Variants in GOLGA4 observed in about 807,000 individuals in gnomAD.
The protein encoded by GOLGA4 is golgin A4.
In GOLGA4, 169 loss-of-function variants were observed where a neutral mutation model predicts 265.9. That is an observed-to-expected ratio of 0.64 (90% CI 0.56 to 0.72). The LOEUF (loss-of-function observed/expected upper bound fraction) is 0.72, where lower values mean the gene tolerates loss of function less well. GOLGA4 is among the 30% of genes least tolerant of loss of function. The pLI is 0.00. For missense variants in GOLGA4, 2,482 were observed against 2,483.4 expected (o/e 1.00, Z 0.01); for synonymous variants, 923 against 855.8 (o/e 1.08, Z -1.37).
intron 10 of GOLGA4, among the ~76,000 whole-genome samples, chr3:37,306,503 G>C (rs187504838): frequency 8.8e-3 from 330 of 37,426 alleles, no homozygotes; most frequent in African/African-American, 7.5e-3. Flanking sequence ...GCTGTTCTCT[G>C]TGTGTGTGTG....
At chr3:37,305,767 A>G (rs1015964714) in intron 10 of GOLGA4, among the ~76,000 whole-genome samples, 1 of 152,218 alleles carries the variant, frequency 6.6e-6, no homozygotes, top group African/African-American at 2.4e-5. Flanking sequence ...TAAACTCTCC[A>G]AATGCATTTT....
chr3:37,345,724 G>A (rs572184518), intron 20 of GOLGA4, among the ~76,000 whole-genome samples: 1 of 152,238 alleles, frequency 6.6e-6, no homozygotes, highest in East Asian at 1.9e-4. Flanking sequence ...CAAGGCAGGC[G>A]AATCATGAGG....
chr3:37,268,524 T>C (rs1233799077), intron 2 of GOLGA4, among the ~76,000 whole-genome samples: 1 of 152,204 alleles, frequency 6.6e-6, no homozygotes, highest in Non-Finnish European at 1.5e-5. Flanking sequence ...TGAGTACTTA[T>C]TCTGTTGTTG....
At chr3:37,244,010 A>C in intron 1 of GOLGA4, 1 of 204,660 alleles carries the variant, frequency 4.9e-6, no homozygotes, top group Non-Finnish European at 9.9e-6. Flanking sequence ...GTCCCTTGTG[A>C]TATCTGACCT....
At chr3:37,354,941 A>G (rs1230287834) in intron 21 of GOLGA4, among the ~76,000 whole-genome samples, 160 bp from the exon 22 acceptor site, 1 of 152,118 alleles carries the variant, frequency 6.6e-6, no homozygotes. Context: ...TTGAAATTCT[A>G]GTGTTGTTAT....
At chr3:37,364,752 A>G (rs1696616295) in intron 23 of GOLGA4, among the ~76,000 whole-genome samples, 1 of 150,352 alleles carries the variant, frequency 6.7e-6, no homozygotes, top group African/African-American at 2.4e-5. Context: ...ACACCTAGCT[A>G]TTTTTTTTAA....
chr3:37,284,371 A>T (rs987439906), intron 3 of GOLGA4, among the ~76,000 whole-genome samples: 1 of 152,024 alleles, frequency 6.6e-6, no homozygotes, highest in Non-Finnish European at 1.5e-5. Context: ...TCCTGGGCCA[A>T]GCAGTTCTCC....
intron 5 of GOLGA4, among the ~76,000 whole-genome samples, chr3:37,291,390 G>C (rs2096864409): frequency 6.6e-6 from 1 of 152,104 alleles, no homozygotes; most frequent in East Asian, 1.9e-4. Flanking sequence ...AGATGAGTAA[G>C]CACCCATGTG....
At chr3:37,266,903 A>G (rs2096785262) in intron 2 of GOLGA4, 1 of 1,288,044 alleles carries the variant, frequency 7.8e-7, no homozygotes, top group Admixed American at 2.3e-5. Context: ...TTTGCTTTGG[A>G]TTCCTCCAAA....
At chr3:37,307,674 A>G (rs2096910594) in intron 10 of GOLGA4, among the ~76,000 whole-genome samples, 1 of 152,152 alleles carries the variant, frequency 6.6e-6, no homozygotes, top group African/African-American at 2.4e-5. Flanking sequence ...TAAGTATGCC[A>G]TGTTAGATAA....
Position 37,286,015 on chromosome 3 carries a change from T to G in GOLGA4, c.479T>G (p.Leu160Arg), listed in dbSNP as rs1368409746. 1 of 1,557,526 alleles carries G rather than the reference T, an allele frequency of 6.4e-7. No individual in the cohort carries two copies. Among genetic ancestry groups the G allele is most frequent in the East Asian group, 2.2e-5 (1 of 44,494 alleles). ...LSSYRGKYSE[L>R]VTAYQMLQRE... Reference sequence around the variant, plus strand: ...ATGTTGTTGATGACTATATTTTAGCTTGTTACAGCTTATCAGATGCTTCAG... The same window carrying G: ...ATGTTGTTGATGACTATATTTTAGCGTGTTACAGCTTATCAGATGCTTCAG... The change falls in exon 4 of 24, where the codon CTT becomes CGT. Residue 160 changes from leucine to arginine, a missense_variant and splice_region_variant. By Grantham distance (102) the Leu-to-Arg change is moderately radical. Transcript: ENST00000361924.
chr3:37,279,218 A>G (rs2096827971), intron 2 of GOLGA4, among the ~76,000 whole-genome samples: 1 of 152,166 alleles, frequency 6.6e-6, no homozygotes, highest in Non-Finnish European at 1.5e-5. Flanking sequence ...TAAAGATTGA[A>G]CATCCCTAAT....
chr3:37,316,406 G>A lies in GOLGA4; in HGVS notation c.1413+808G>A, dbSNP rs138140978. Among the ~76,000 whole-genome samples the A allele has an allele frequency of 6.6e-3, 1,000 of 152,224 alleles. 32 individuals carry two copies. The highest frequency in any genetic ancestry group is 0.058 in the Admixed American group (887 of 15,274). Reference sequence around the variant, plus strand: ...TATGCATTTCTATAACTCATGGTAAGGTTTCTGTGCTTTTACTTATGAGTG... The same window carrying A: ...TATGCATTTCTATAACTCATGGTAAAGTTTCTGTGCTTTTACTTATGAGTG... On this transcript the variant is annotated intron_variant, in intron 11 of 23. Coordinates refer to ENST00000361924, the MANE Select transcript of GOLGA4 (RefSeq NM_002078.5).
At chr3:37,323,095 T>G (rs1001963907) in intron 13 of GOLGA4, among the ~76,000 whole-genome samples, 6 of 150,992 alleles carry the variant, frequency 4.0e-5, no homozygotes, top group Non-Finnish European at 7.4e-5. Flanking sequence ...GTTAAACATG[T>G]AATCTTTTCT....
chr3:37,287,072 GGCTCAC>G (rs752341340), intron 4 of GOLGA4, among the ~76,000 whole-genome samples: 3 of 152,238 alleles, frequency 2.0e-5, no homozygotes, highest in Non-Finnish European at 2.9e-5. Context: ...CAGGCGTGGT[GGCTCAC>G]GCCTGTAATC....
chr3:37,362,832 G>C (rs1194855858), intron 23 of GOLGA4, among the ~76,000 whole-genome samples: 1 of 128,914 alleles, frequency 7.8e-6, no homozygotes, highest in African/African-American at 3.0e-5. Flanking sequence ...ACCCAGGCTA[G>C]AGTGCAGTGG....
At chr3:37,345,263 G>A (rs772986784) in intron 20 of GOLGA4, among the ~76,000 whole-genome samples, 17 of 152,020 alleles carry the variant, frequency 1.1e-4, no homozygotes, top group East Asian at 1.9e-4. Flanking sequence ...CTTTTATTAC[G>A]TTTATTCTTA....
At chr3:37,361,592 A>G (rs983215891) in intron 23 of GOLGA4, among the ~76,000 whole-genome samples, 1 of 152,236 alleles carries the variant, frequency 6.6e-6, no homozygotes, top group African/African-American at 2.4e-5. Context: ...AAAAGTATTT[A>G]TGTAACTTAT....
At chr3:37,316,433 A>G (rs1331197448) in intron 11 of GOLGA4, among the ~76,000 whole-genome samples, 1 of 152,176 alleles carries the variant, frequency 6.6e-6, no homozygotes, top group Non-Finnish European at 1.5e-5. Context: ...TTATGAGTGC[A>G]TAACAGGCAT....
Sources: allele counts gnomAD v4.1 joint callset (sites outside exome capture counted in the v4.1 genomes callset), GRCh38; gene constraint gnomAD v4.1.1; transcripts MANE v1.5; gene names NCBI Gene and HGNC (gene_info 2026-07-23, HGNC 2026-07-21).